Variants in PIN4 observed in about 807,000 individuals in gnomAD.
The protein encoded by PIN4 is peptidyl-prolyl cis-trans isomerase NIMA-interacting 4.
PIN4 carries 3 observed loss-of-function variants against 8.3 expected under a neutral mutation model. That is an observed-to-expected ratio of 0.36 (90% confidence interval 0.16 to 0.93). The LOEUF (loss-of-function observed/expected upper bound fraction) is 0.93. Ranked by LOEUF, PIN4 falls within the 40% of genes least tolerant of loss-of-function variation. The pLI is 0.44. For missense variants in PIN4, 75 were observed against 100.6 expected (o/e 0.75, Z 1.09); for synonymous variants, 18 against 32.5 (o/e 0.55, Z 1.52).
At chrX:72,191,950 T>G (rs760699818) in intron 2 of PIN4, among the ~76,000 whole-genome samples, 1 of 109,899 alleles carries the variant, frequency 9.1e-6, no homozygotes, top group South Asian at 4.0e-4. Context: ...TGGGTTTTTT[T>G]GTTTTTGTTT....
chrX:72,240,696 A>G (rs2043045480), intron 3 of PIN4, among the ~76,000 whole-genome samples: 1 of 108,886 alleles, frequency 9.2e-6, no homozygotes, highest in Admixed American at 9.9e-5. Context: ...GCTTCTCGGG[A>G]GGCTGGGGTG....
chrX:72,244,656 G>T (rs761877484), intron 3 of PIN4, among the ~76,000 whole-genome samples: 1 of 111,566 alleles, frequency 9.0e-6, no homozygotes, highest in Non-Finnish European at 1.9e-5. Flanking sequence ...CCAACCCAGC[G>T]TTTTTTCCAG....
At position 72,206,925 on chromosome X, in the gene PIN4, G is replaced by A. The variant is rs766289097; in HGVS notation, c.312+10021G>A. ...CTTGTTTACTAAAATATCGGAAAGG[G>A]TTCTTTTTTTCACCAGTAGTTTGTC... On this transcript the variant is annotated intron_variant, in intron 3 of 3. Transcript: ENST00000423432. 13 of 1,209,279 alleles carry A rather than the reference G, an allele frequency of 1.1e-5. No homozygotes were observed. In the East Asian group the frequency reaches 3.6e-4, roughly 33 times the overall value.
At chrX:72,195,548 A>G (rs746662592) in intron 2 of PIN4, among the ~76,000 whole-genome samples, 2 of 110,892 alleles carry the variant, frequency 1.8e-5, no homozygotes, top group African/African-American at 6.6e-5. Flanking sequence ...AGGCTGAGGC[A>G]GGAGAATTGC....
At chrX:72,183,824 G>T in intron 1 of PIN4, among the ~76,000 whole-genome samples, 1 of 111,568 alleles carries the variant, frequency 9.0e-6, no homozygotes, top group East Asian at 2.8e-4. Context: ...AGAAGAGTGA[G>T]ATTTAGGAGA....
intron 3 of PIN4, among the ~76,000 whole-genome samples, chrX:72,256,790 A>C (rs989140471): frequency 8.9e-6 from 1 of 112,049 alleles, no homozygotes; most frequent in Non-Finnish European, 1.9e-5. Context: ...GACCTGAAAC[A>C]AGTCGGGCAG....
At chrX:72,221,834 G>A (rs773608275) in intron 3 of PIN4, among the ~76,000 whole-genome samples, 1 of 110,091 alleles carries the variant, frequency 9.1e-6, no homozygotes, top group East Asian at 2.9e-4. Flanking sequence ...TCTTCTCAAT[G>A]AAAATGCTGT....
chrX:72,210,834 C>T (rs187890795), intron 3 of PIN4, among the ~76,000 whole-genome samples: 2 of 111,684 alleles, frequency 1.8e-5, no homozygotes, highest in Admixed American at 9.5e-5. Flanking sequence ...TGGGTTAAAC[C>T]GCTGCTGTGA....
intron 3 of PIN4, among the ~76,000 whole-genome samples, chrX:72,261,441 A>G (rs1360287876): frequency 8.9e-6 from 1 of 112,021 alleles, no homozygotes; most frequent in African/African-American, 3.2e-5. Flanking sequence ...ATTTTACAGG[A>G]TGGGTTCTGG....
At chrX:72,252,415 G>A (rs767771809) in intron 3 of PIN4, among the ~76,000 whole-genome samples, 84 of 107,635 alleles carry the variant, frequency 7.8e-4, no homozygotes, top group African/African-American at 2.7e-3. Context: ...ACAGAGTCTC[G>A]CTCTGTCACC....
At chrX:72,222,661 G>A (rs1356604703) in intron 3 of PIN4, among the ~76,000 whole-genome samples, 2 of 102,831 alleles carry the variant, frequency 1.9e-5, no homozygotes, top group Non-Finnish European at 3.9e-5. Context: ...GCAGTAGCGC[G>A]ATCTCAGCTC....
chrX:72,185,510 AAT>A (rs2042698568), intron 1 of PIN4, among the ~76,000 whole-genome samples: 1 of 112,106 alleles, frequency 8.9e-6, no homozygotes, highest in Non-Finnish European at 1.9e-5. Context: ...TCCTCACTAG[AAT>A]ATGAGTTTTC....
chrX:72,194,757 C>T (rs1446196613), intron 2 of PIN4, among the ~76,000 whole-genome samples: 1 of 108,115 alleles, frequency 9.2e-6, no homozygotes, highest in African/African-American at 3.4e-5. Flanking sequence ...ATGTCCTAGG[C>T]CTTCATATTC....
At chrX:72,258,637 C>G (rs2147619252) in intron 3 of PIN4, among the ~76,000 whole-genome samples, 1 of 111,573 alleles carries the variant, frequency 9.0e-6, no homozygotes, top group African/African-American at 3.3e-5. Flanking sequence ...ATGAGGGGCT[C>G]TGACATCAGA....
chrX:72,197,953 T>G lies in PIN4; in HGVS notation c.*427T>G, dbSNP rs1433045777. On this transcript the variant is annotated 3_prime_UTR_variant, in exon 4 of 4. Coordinates refer to ENST00000373669, the MANE Select transcript of PIN4 (RefSeq NM_006223.4). ...ATAAAATAAGTTCCTAGACAACATT[T>G]GTTTTACATGTTAGTCAACTCTGAT... 1 of 754,710 alleles carries G rather than the reference T, an allele frequency of 1.3e-6. No homozygotes were observed. The highest frequency in any genetic ancestry group is 1.6e-6 in the Non-Finnish European group (1 of 638,249). The allele number at this position is 754,710 out of a possible 1,213,427, so 62.2% of individuals were successfully genotyped here.
chrX:72,207,163 G>A, intron 3 of PIN4: 1 of 1,211,027 alleles, frequency 8.3e-7, no homozygotes, highest in East Asian at 3.0e-5. Context: ...TACTTGAGTG[G>A]TAAGCAGAAA....
At position 72,240,212 on chromosome X, in the gene PIN4, C is replaced by T. The variant is rs1227816791; in HGVS notation, c.313-22495C>T. Among the ~76,000 whole-genome samples the T allele has an allele frequency of 4.5e-5, 5 of 111,757 alleles. No individual in the cohort carries two copies. The East Asian group carries it at 1.4e-3, about 31-fold the overall frequency. On this transcript the variant is annotated intron_variant, in intron 3 of 3. Transcript: ENST00000423432. Reference sequence around the variant, plus strand: ...AGAAGTAGTGCTGTGGTCATCATTTCTTCAGAAGCACCAACTAAGATACAG... The same window carrying T: ...AGAAGTAGTGCTGTGGTCATCATTTTTTCAGAAGCACCAACTAAGATACAG...
In PIN4 at chrX:72,246,490, A is replaced by G. The variant is rs1602459380; in HGVS notation, c.313-16217A>G. Among the ~76,000 whole-genome samples the G allele has an allele frequency of 3.6e-5, 4 of 111,446 alleles. 1 individual carries two copies. In the Admixed American group the frequency reaches 3.8e-4, roughly 11 times the overall value. On this transcript the variant is annotated intron_variant, in intron 3 of 3. Coordinates refer to the PIN4 transcript ENST00000423432. Reference sequence around the variant, plus strand: ...AACTGATCATGCCATGGCCCTGTCTAAATCCTTCAAAGCCCCCTCGTTTCC... The same window carrying G: ...AACTGATCATGCCATGGCCCTGTCTGAATCCTTCAAAGCCCCCTCGTTTCC...
chrX:72,187,471 TG>T (rs891104556), intron 2 of PIN4, among the ~76,000 whole-genome samples: 13 of 111,783 alleles, frequency 1.2e-4, no homozygotes, highest in African/African-American at 4.2e-4. Context: ...TATTAGGCTC[TG>T]GGGATTTTTT....
Sources: gnomAD v4.1 joint callset for allele counts (sites outside exome capture counted in the v4.1 genomes callset) on GRCh38, gnomAD v4.1.1 for gene constraint, MANE v1.5 for transcripts, NCBI Gene and HGNC (gene_info 2026-07-23, HGNC 2026-07-21) for gene names.